The following POU2F2 variants were observed in gnomAD, a reference collection of about 807,000 sequenced individuals.
POU2F2 encodes POU domain, class 2, transcription factor 2.
POU2F2 carries 14 observed loss-of-function variants against 63.5 expected under a neutral mutation model. The observed-to-expected ratio is 0.22, with a 90% CI of 0.15 to 0.34. POU2F2 has a LOEUF of 0.34. Among genes scored for constraint, POU2F2 ranks in the 10% least tolerant of loss-of-function variants. The pLI, the probability that POU2F2 is intolerant of heterozygous loss-of-function variation, is 1.00. For synonymous variants in POU2F2, 306 were observed against 348.6 expected, an observed-to-expected ratio of 0.88 and a Z score of 1.36; for missense variants, 607 against 815.2, an observed-to-expected ratio of 0.74 and a Z score of 3.11.
In POU2F2 at chr19:42,095,927, A is replaced by C; in HGVS notation, c.732T>G (p.Gly244=). 1 of 1,611,882 alleles carries C rather than the reference A, an allele frequency of 6.2e-7. No homozygotes were observed. The highest frequency in any genetic ancestry group is 1.1e-5 in the South Asian group (1 of 90,962). ...QRRIKLGFTQ[G]DVGLAMGKLY... ...GCTTGCCCATGGCCAGGCCCACATC[A>C]CCCTGGGCCAGTGGGGCGGGGAAGG... The change falls in exon 9 of 15, where the codon GGT becomes GGG. Residue 244 remains glycine, a splice_region_variant and synonymous_variant. Coordinates refer to ENST00000692977, the MANE Select transcript of POU2F2 (RefSeq NM_001394376.1). This position sits in a 1 kb window ranked among gnomAD's most constrained non-coding sequence, Gnocchi z 7.1.
intron 1 of POU2F2, among the ~76,000 whole-genome samples, chr19:42,130,085 G>C (rs2033570802): frequency 1.3e-5 from 2 of 152,016 alleles, no homozygotes; most frequent in Non-Finnish European, 2.9e-5. Context: ...CTCTCACACT[G>C]AGTGACACAC....
intron 11 of POU2F2, 150 bp from the exon 12 acceptor site, chr19:42,094,045 C>T: frequency 1.6e-6 from 1 of 611,602 alleles, no homozygotes; most frequent in Middle Eastern, 3.8e-4. Flanking sequence ...GCTTTCTTCA[C>T]ACTTGCCCTA....
intron 1 of POU2F2, among the ~76,000 whole-genome samples, chr19:42,166,834 T>C (rs977108141): frequency 6.6e-6 from 1 of 152,130 alleles, no homozygotes; most frequent in Non-Finnish European, 1.5e-5. Flanking sequence ...GTGCTCACCC[T>C]GAAGGTGAGC....
intron 1 of POU2F2, 51 bp downstream of exon 1, chr19:42,132,333 T>G (rs758186366): frequency 6.3e-7 from 1 of 1,583,406 alleles, no homozygotes; most frequent in Admixed American, 1.8e-5. Context: ...AGAGCAAACC[T>G]AAATGTGCTG....
chr19:42,164,308 A>AT (rs1180276640), intron 1 of POU2F2, among the ~76,000 whole-genome samples: 1 of 150,692 alleles, frequency 6.6e-6, no homozygotes, highest in Admixed American at 6.7e-5. Flanking sequence ...AAAAAAAAAA[A>AT]GGCCAGGCAT....
At chr19:42,149,310 C>T (rs961331686) in intron 2 of POU2F2, among the ~76,000 whole-genome samples, 12 of 152,252 alleles carry the variant, frequency 7.9e-5, no homozygotes, top group East Asian at 1.9e-4. Context: ...ACTGACACTG[C>T]CAAGAGAAAG....
rs1402813927 is a variant in POU2F2 at position 42,153,484 on chromosome 19, G to A, written c.-9+6848C>T. Among the ~76,000 whole-genome samples, 1 of 152,166 alleles carries A rather than the reference G, an allele frequency of 6.6e-6. No homozygotes were observed. Among genetic ancestry groups the A allele is most frequent in the African/African-American group, 2.4e-5 (1 of 41,428 alleles). ...TGTGTGTTGGCGTGCGCATGCCCCTGACAGAGTGTGTCTGAGCACGGATGC... is the reference window on the plus strand; with the variant it reads ...TGTGTGTTGGCGTGCGCATGCCCCTAACAGAGTGTGTCTGAGCACGGATGC... On this transcript the variant is annotated intron_variant, in intron 2 of 6. Coordinates refer to the POU2F2 transcript ENST00000524801. This position sits in a 1 kb window ranked among gnomAD's most constrained non-coding sequence, Gnocchi z 5.6.
chr19:42,192,398 A>G lies in POU2F2; in HGVS notation c.-70+3985T>C, dbSNP rs185286958. ...ACATCCCTTTGAGATGTCCCCAGTG[A>G]TCATGTTCCCTACTAAGCCAGAGTT... On this transcript the variant is annotated intron_variant, in intron 1 of 5. Coordinates refer to the POU2F2 transcript ENST00000532176. Among the ~76,000 whole-genome samples the G allele has an allele frequency of 3.3e-3, 508 of 152,224 alleles. 5 individuals carry two copies. Among genetic ancestry groups the G allele is most frequent in the African/African-American group, 0.012 (492 of 41,538 alleles).
In POU2F2 at chr19:42,117,969, A is replaced by G. The variant is rs1203286936; in HGVS notation, c.187-537T>C. Among the ~76,000 whole-genome samples the G allele has an allele frequency of 1.3e-5, 2 of 152,002 alleles. No homozygotes were observed. The highest frequency in any genetic ancestry group is 4.8e-5 in the African/African-American group (2 of 41,372). On this transcript the variant is annotated intron_variant, in intron 4 of 14. Transcript: ENST00000692977. The surrounding 1 kb of genome is among the most constrained non-coding windows in gnomAD (Gnocchi z 4.4). ...AGACAAGGTCTCACTCTGTTGCCCA[A>G]GCTGAAGTGCAGTGGCATGATCACA...
intron 2 of POU2F2, among the ~76,000 whole-genome samples, chr19:42,158,893 G>A (rs921916689): frequency 2.0e-5 from 3 of 150,702 alleles, no homozygotes; most frequent in Non-Finnish European, 3.0e-5. Context: ...GAGGATGTGA[G>A]GATTCCTGGA....
intron 2 of POU2F2, among the ~76,000 whole-genome samples, chr19:42,151,401 G>C (rs955456656): frequency 6.6e-6 from 1 of 152,104 alleles, no homozygotes; most frequent in Non-Finnish European, 1.5e-5. Flanking sequence ...GCTGGGCTGG[G>C]AGGAGAGGAG....
upstream of POU2F2, chr19:42,133,630 A>ACACACACACGTGTG (rs1451188649): frequency 6.5e-6 from 1 of 154,622 alleles, no homozygotes; most frequent in African/African-American, 2.4e-5. The surrounding 1 kb of genome is among the most constrained non-coding windows in gnomAD (Gnocchi z 5.1). Context: ...AGCACTTCAC[A>ACACACACACGTGTG]CACACACACG....
chr19:42,094,010 A>G (rs1325048079), intron 11 of POU2F2, 115 bp from the exon 12 acceptor site: 3 of 803,668 alleles, frequency 3.7e-6, no homozygotes, highest in Admixed American at 4.7e-5. Context: ...CTTTGGCACA[A>G]TGCTGCATTT....
chr19:42,107,789 G>A (rs1398215263), intron 5 of POU2F2, among the ~76,000 whole-genome samples: 1 of 152,120 alleles, frequency 6.6e-6, no homozygotes, highest in Non-Finnish European at 1.5e-5. Context: ...TAAGCCATAA[G>A]GCCTCTACTG....
chr19:42,163,283 CAGA>C (rs1304016539), intron 1 of POU2F2, among the ~76,000 whole-genome samples: 6 of 151,942 alleles, frequency 3.9e-5, no homozygotes, highest in African/African-American at 1.5e-4. Flanking sequence ...CTCCCTGGAG[CAGA>C]AGAACAGGAG....
chr19:42,187,830 C>T (rs2035029963), intron 1 of POU2F2, among the ~76,000 whole-genome samples: 1 of 150,770 alleles, frequency 6.6e-6, no homozygotes, highest in East Asian at 1.9e-4. Flanking sequence ...AAGAAGCTGT[C>T]AGGGAGAAGA....
intron 1 of POU2F2, among the ~76,000 whole-genome samples, chr19:42,173,212 A>G (rs1421565365): frequency 1.3e-5 from 2 of 152,066 alleles, no homozygotes; most frequent in South Asian, 2.1e-4. Context: ...TCTTCTAACA[A>G]CTCTTCACAC....
At chr19:42,133,841 A>T (rs1463820691), upstream of POU2F2, among the ~76,000 whole-genome samples, 1 of 152,110 alleles carries the variant, frequency 6.6e-6, no homozygotes, top group African/African-American at 2.4e-5. The surrounding 1 kb of genome is among the most constrained non-coding windows in gnomAD (Gnocchi z 5.1). Flanking sequence ...CACACTCAGA[A>T]AGGGTATACT....
At chr19:42,193,985 C>T (rs546618811) in intron 1 of POU2F2, among the ~76,000 whole-genome samples, 31 of 152,210 alleles carry the variant, frequency 2.0e-4, no homozygotes, top group African/African-American at 7.0e-4. Context: ...ACAAACACAA[C>T]GCTGGGTAAA....
Sources: allele counts gnomAD v4.1 joint callset (sites outside exome capture counted in the v4.1 genomes callset), GRCh38; gene constraint gnomAD v4.1.1; non-coding constraint Gnocchi (gnomAD v3.1); transcripts MANE v1.5; gene names NCBI Gene and HGNC (gene_info 2026-07-23, HGNC 2026-07-21).